JAK2: variants seen among roughly 807,000 people sequenced by gnomAD.
JAK2 encodes Janus kinase 2.
A neutral mutation model predicts 139.3 loss-of-function variants in JAK2; 86 were observed. The observed-to-expected ratio is 0.62, with a 90% CI of 0.52 to 0.74. The LOEUF is 0.74. JAK2 is among the 30% of genes least tolerant of loss of function. JAK2 has a pLI of 0.00. For missense variants in JAK2, 1,421 were observed against 1,360.3 expected, an observed-to-expected ratio of 1.04 and a Z score of -0.70; for synonymous variants, 490 against 437.7, an observed-to-expected ratio of 1.12 and a Z score of -1.49.
At chr9:5,074,932 A>G (rs1033449421) in intron 14 of JAK2, among the ~76,000 whole-genome samples, 10 of 152,156 alleles carry the variant, frequency 6.6e-5, no homozygotes, top group Non-Finnish European at 8.8e-5. Context: ...AAGTCCTTGA[A>G]GGAAACTGAA....
chr9:5,015,222 G>A (rs1821964082), intron 2 of JAK2, among the ~76,000 whole-genome samples: 1 of 152,130 alleles, frequency 6.6e-6, no homozygotes, highest in African/African-American at 2.4e-5. Flanking sequence ...GGAAGCTGAG[G>A]CGCAATGAAT....
chr9:5,086,963 T>TATTA (rs1344021845), intron 19 of JAK2, among the ~76,000 whole-genome samples: 1 of 152,208 alleles, frequency 6.6e-6, no homozygotes, highest in Admixed American at 6.5e-5. Flanking sequence ...TCACTTTCCC[T>TATTA]ATTATTTCCT....
intron 22 of JAK2, chr9:5,099,038 C>G (rs1178931000): frequency 6.6e-6 from 1 of 152,086 alleles, no homozygotes; most frequent in Non-Finnish European, 1.5e-5. Context: ...GACTTAAAAC[C>G]AGGAGAACTT....
intron 4 of JAK2, among the ~76,000 whole-genome samples, chr9:5,033,191 A>T (rs1402882506): frequency 2.0e-5 from 3 of 152,236 alleles, no homozygotes; most frequent in Non-Finnish European, 2.9e-5. Context: ...AGAGAAGTTT[A>T]GAGAAAAAGG....
chr9:5,113,865 C>CA (rs1822885380), intron 22 of JAK2: 1 of 209,464 alleles, frequency 4.8e-6, no homozygotes, highest in African/African-American at 2.3e-5. Context: ...CCAGGGACTT[C>CA]ACCCTCCCCA....
chr9:5,085,003 G>T, intron 19 of JAK2: 1 of 849,122 alleles, frequency 1.2e-6, no homozygotes, highest in Non-Finnish European at 1.9e-6. Context: ...TGTCATTTAT[G>T]TCTTGTGAGT....
At chr9:5,074,305 A>T (rs1206414215) in intron 14 of JAK2, among the ~76,000 whole-genome samples, 1 of 152,094 alleles carries the variant, frequency 6.6e-6, no homozygotes, top group African/African-American at 2.4e-5. Flanking sequence ...ATTTTATTGC[A>T]CCTTGCTTTA....
intron 2 of JAK2, among the ~76,000 whole-genome samples, chr9:5,005,754 G>A (rs548010290): frequency 3.3e-5 from 5 of 152,186 alleles, no homozygotes; most frequent in African/African-American, 9.6e-5. Context: ...TCAGACATTT[G>A]GAAAAATTTA....
chr9:5,011,654 C>G (rs115874985), intron 2 of JAK2, among the ~76,000 whole-genome samples: 1 of 151,698 alleles, frequency 6.6e-6, no homozygotes, highest in South Asian at 2.1e-4. Flanking sequence ...TATATATATT[C>G]TTCTTTTCAT....
At position 5,110,841 on chromosome 9, in the gene JAK2, T is replaced by TG. The variant is rs544949515; in HGVS notation, c.3060-12156dup. The TG allele has an allele frequency of 1.2e-3, 565 of 460,976 alleles. 1 individual carries two copies. Among genetic ancestry groups the TG allele is most frequent in the Non-Finnish European group, 2.1e-3 (499 of 238,496 alleles). The allele number at this position is 460,976 out of a possible 1,614,324, so 28.6% of individuals were successfully genotyped here. On this transcript the variant is annotated intron_variant, in intron 22 of 24. Coordinates refer to ENST00000381652, the MANE Select transcript of JAK2 (RefSeq NM_004972.4). ...GCATCGCCCGTTTGTTCGGGGAAGGTGGGGGGGACGCTTCATGCCGCCGCG... is the reference window on the plus strand; with the variant it reads ...GCATCGCCCGTTTGTTCGGGGAAGGTGGGGGGGGACGCTTCATGCCGCCGCG...
intron 4 of JAK2, chr9:5,041,079 C>G (rs1319337693): frequency 2.9e-6 from 2 of 696,202 alleles, no homozygotes; most frequent in South Asian, 1.5e-5. Flanking sequence ...GGTCTACTAC[C>G]TACTACAGCC....
chr9:5,063,891 C>G (rs1818364602), intron 8 of JAK2, among the ~76,000 whole-genome samples: 1 of 152,224 alleles, frequency 6.6e-6, no homozygotes, highest in Non-Finnish European at 1.5e-5. Flanking sequence ...GGCATGGTGA[C>G]TCACGCGTGT....
intron 11 of JAK2, 132 bp from the exon 12 acceptor site, chr9:5,069,793 T>G (rs1818824013): frequency 6.7e-6 from 3 of 445,378 alleles, no homozygotes; most frequent in Non-Finnish European, 1.1e-5. Flanking sequence ...TAATTTTCTA[T>G]TATAAAAAAA....
At chr9:4,987,750 A>G (rs1383367345) in intron 2 of JAK2, among the ~76,000 whole-genome samples, 1 of 151,544 alleles carries the variant, frequency 6.6e-6, no homozygotes, top group East Asian at 1.9e-4. Context: ...AAAAAAAAAA[A>G]AGAAAGAAAA....
At chr9:5,111,595 T>C in intron 22 of JAK2, 1 of 363,902 alleles carries the variant, frequency 2.7e-6, no homozygotes, top group South Asian at 2.1e-5. Flanking sequence ...AGCTCTGGAG[T>C]TCCCTGGGCC....
intron 2 of JAK2, among the ~76,000 whole-genome samples, chr9:4,990,764 G>A (rs1287095963): frequency 6.6e-6 from 1 of 152,126 alleles, no homozygotes. Context: ...AAAAACAGAA[G>A]AAAATTGCTT....
chr9:5,119,790 G>T (rs1468532465), intron 22 of JAK2, among the ~76,000 whole-genome samples: 3 of 151,998 alleles, frequency 2.0e-5, no homozygotes, highest in Non-Finnish European at 4.4e-5. Flanking sequence ...ATTTTCATAT[G>T]TACTTAATGA....
intron 22 of JAK2, among the ~76,000 whole-genome samples, chr9:5,096,328 C>A (rs1820981363): frequency 6.6e-6 from 1 of 152,132 alleles, no homozygotes; most frequent in Non-Finnish European, 1.5e-5. Context: ...TACTTAATTT[C>A]TGTAACAAAC....
chr9:5,024,205 G>A (rs969071381), intron 3 of JAK2, among the ~76,000 whole-genome samples: 1 of 152,082 alleles, frequency 6.6e-6, no homozygotes, highest in Non-Finnish European at 1.5e-5. Context: ...GCAGTGAGCC[G>A]AGATTGCGCC....
Sources: gnomAD v4.1 joint callset for allele counts (sites outside exome capture counted in the v4.1 genomes callset) on GRCh38, gnomAD v4.1.1 for gene constraint, MANE v1.5 for transcripts, NCBI Gene and HGNC (gene_info 2026-07-23, HGNC 2026-07-21) for gene names.